MYO9B: variants seen among roughly 807,000 people sequenced by gnomAD.
The protein encoded by MYO9B is myosin IXB.
In MYO9B, 71 loss-of-function variants were observed where a neutral mutation model predicts 229.5. The ratio of observed to expected loss-of-function variants is 0.31; its 90% confidence interval spans 0.26 to 0.38. The LOEUF (loss-of-function observed/expected upper bound fraction) is 0.38. Ranked by LOEUF, MYO9B falls within the 10% of genes least tolerant of loss-of-function variation. The pLI, the probability that MYO9B is intolerant of heterozygous loss-of-function variation, is 1.00. For missense variants in MYO9B, 2,255 were observed against 2,920.5 expected (o/e 0.77, Z 5.25); for synonymous variants, 1,185 against 1,235.8 (o/e 0.96, Z 0.86).
At chr19:17,103,341 A>G (rs1200549479) in intron 2 of MYO9B, 1 of 152,318 alleles carries the variant, frequency 6.6e-6, no homozygotes, top group Non-Finnish European at 1.5e-5. Flanking sequence ...AGAGGATGCA[A>G]TGCCATGGAA....
At chr19:17,147,861 T>C (rs1261881506) in intron 3 of MYO9B, among the ~76,000 whole-genome samples, 2 of 151,528 alleles carry the variant, frequency 1.3e-5, no homozygotes, top group East Asian at 3.9e-4. Flanking sequence ...TTTGTATTTT[T>C]AGTAGAGATG....
intron 14 of MYO9B, chr19:17,180,615 G>T: frequency 5.2e-6 from 1 of 194,028 alleles, no homozygotes. Context: ...CTCTCAAAGT[G>T]CTGGGATTAC....
rs751248605 is a variant in MYO9B, at chr19:17,162,417, G to A, written c.1487G>A (p.Arg496Gln). The A allele has an allele frequency of 1.1e-5, 17 of 1,587,258 alleles. No homozygotes were observed. The highest frequency in any genetic ancestry group is 3.6e-5 in the Admixed American group (2 of 56,136). The change falls in exon 9 of 40, where the codon CGG becomes CAG. Residue 496 changes from arginine to glutamine, a missense_variant. Coordinates refer to ENST00000682292, the MANE Select transcript of MYO9B (RefSeq NM_004145.4). ...GCCCTGTTCGACTGGATTGTGCTGC[G>A]GATCAACCACGCACTCCTCAACAAG... Reference protein sequence around the residue: ...YSALFDWIVLRINHALLNKKD... With the variant: ...YSALFDWIVLQINHALLNKKD...
chr19:17,086,753 G>A (rs186600724), intron 1 of MYO9B, among the ~76,000 whole-genome samples: 10 of 152,220 alleles, frequency 6.6e-5, no homozygotes, highest in Middle Eastern at 3.4e-3. Context: ...GGTGGCACAC[G>A]CCTGTTGTCC....
At chr19:17,133,548 C>CTGCAG (rs2145183603) in intron 2 of MYO9B, among the ~76,000 whole-genome samples, 1 of 151,930 alleles carries the variant, frequency 6.6e-6, no homozygotes, top group African/African-American at 2.4e-5. Context: ...CCTCAACTTC[C>CTGCAG]TGGGCCTAAG....
In MYO9B at chr19:17,193,044, G is replaced by T; in HGVS notation, c.3110G>T (p.Gly1037Val). The T allele has an allele frequency of 2.7e-6, 4 of 1,465,760 alleles. No homozygotes were observed. The highest frequency in any genetic ancestry group is 3.6e-6 in the Non-Finnish European group (4 of 1,107,512). 90.8% of individuals were successfully genotyped at this position (1,465,760 alleles called of 1,614,324 possible). A position where few individuals can be genotyped will look rare whatever the true frequency, so the allele number is the denominator to read the frequency against. The change falls in exon 21 of 40, where the codon GGG (glycine) becomes GTG (valine). Residue 1037 changes from glycine to valine, a missense_variant. Transcript: ENST00000682292. This position sits in a 1 kb window ranked among gnomAD's most constrained non-coding sequence, Gnocchi z 4.3. ...SIIRLQSLCR[G>V]HLQRKSFSQM... ...ATCCGCCTGCAGAGCCTGTGTCGGGGGCACCTGCAGCGCAAGAGGTGAGCA... is the reference window on the plus strand; with the variant it reads ...ATCCGCCTGCAGAGCCTGTGTCGGGTGCACCTGCAGCGCAAGAGGTGAGCA...
Position 17,162,566 on chromosome 19 carries a change from A to G in MYO9B, c.1536+100A>G, listed in dbSNP as rs1043349656. 10 of 1,021,076 alleles carry G rather than the reference A, an allele frequency of 9.8e-6. No homozygotes were observed. In the African/African-American group the frequency reaches 1.4e-4, roughly 15 times the overall value. The allele number at this position is 1,021,076 out of a possible 1,614,324, so 63.3% of individuals were successfully genotyped here. A position where few individuals can be genotyped will look rare whatever the true frequency, so the allele number is the denominator to read the frequency against. On this transcript the variant is annotated intron_variant, in intron 9 of 39. Transcript: ENST00000682292. The stretch of plus-strand genomic sequence containing the variant: ...GACCTGGAACATCCGGAGCCGAGGC[A>G]TCTGCAATCAAGAGGCTGTTTCCCC...
intron 2 of MYO9B, among the ~76,000 whole-genome samples, chr19:17,114,430 CCA>C (rs1300053483): frequency 6.6e-6 from 1 of 152,028 alleles, no homozygotes; most frequent in Non-Finnish European, 1.5e-5. Flanking sequence ...CACTGCTCAC[CCA>C]CGATCAGGCA....
chr19:17,117,173 C>G (rs183093472), intron 2 of MYO9B, among the ~76,000 whole-genome samples: 147 of 152,268 alleles, frequency 9.7e-4, no homozygotes, highest in African/African-American at 3.4e-3. Context: ...ATCTGTCTAT[C>G]GGCGATGTCA....
chr19:17,092,108 G>A (rs2057643700), intron 1 of MYO9B, among the ~76,000 whole-genome samples: 1 of 152,216 alleles, frequency 6.6e-6, no homozygotes, highest in South Asian at 2.1e-4. Context: ...CCCCTCAGTG[G>A]GTGGCAGAGG....
At chr19:17,158,960 C>G (rs894147303) in intron 7 of MYO9B, among the ~76,000 whole-genome samples, 1 of 152,150 alleles carries the variant, frequency 6.6e-6, no homozygotes, top group Admixed American at 6.6e-5. Context: ...TTGGGAGGCC[C>G]AGGCAGGCAG....
At chr19:17,162,164 G>A (rs2072610377) in intron 8 of MYO9B, among the ~76,000 whole-genome samples, 186 bp from the exon 9 acceptor site, 1 of 152,084 alleles carries the variant, frequency 6.6e-6, no homozygotes, top group South Asian at 2.1e-4. Flanking sequence ...AATTAGCCAG[G>A]TATAGTGGCG....
chr19:17,199,698 TTC>T (rs1491071150), intron 24 of MYO9B, among the ~76,000 whole-genome samples: 1,070 of 73,496 alleles, frequency 0.015, 14 homozygotes, highest in African/African-American at 0.11. Flanking sequence ...TTCTTTTTTT[TTC>T]TTTTTTTTTT....
chr19:17,198,046 G>C, intron 23 of MYO9B, 138 bp from the exon 24 acceptor site: 2 of 1,392,672 alleles, frequency 1.4e-6, no homozygotes, highest in Non-Finnish European at 1.9e-6. Flanking sequence ...TGGGCAACTA[G>C]AGTGAGACTC....
chr19:17,180,324 A>AT (rs2072843079), intron 14 of MYO9B, among the ~76,000 whole-genome samples: 2 of 151,538 alleles, frequency 1.3e-5, no homozygotes, highest in Middle Eastern at 3.4e-3. Flanking sequence ...ATAAAGTGGA[A>AT]TGACCAGATG....
intron 20 of MYO9B, 112 bp from the exon 21 acceptor site, chr19:17,192,634 G>T: frequency 1.4e-6 from 1 of 694,700 alleles, no homozygotes; most frequent in Non-Finnish European, 2.1e-6. Context: ...AGCCCTGGTT[G>T]GTCAGCACAC....
intron 2 of MYO9B, among the ~76,000 whole-genome samples, chr19:17,122,536 A>C (rs2057975427): frequency 6.6e-6 from 1 of 152,158 alleles, no homozygotes; most frequent in African/African-American, 2.4e-5. Context: ...GGTGATCTGG[A>C]GAATCACTCC....
At position 17,183,890 on chromosome 19, in the gene MYO9B, G is replaced by A. The variant is rs367951153; in HGVS notation, c.2373+22G>A. The A allele has an allele frequency of 6.7e-5, 104 of 1,552,120 alleles. No homozygotes were observed. The East Asian group carries it at 8.4e-4, about 12-fold the overall frequency. ...AAAGGTAAAAAAAAAAACACACCCCGCGCGACACGTTCCAAGATATCTTGC... is the reference window on the plus strand; with the variant it reads ...AAAGGTAAAAAAAAAAACACACCCCACGCGACACGTTCCAAGATATCTTGC... On this transcript the variant is annotated intron_variant, in intron 16 of 39. Coordinates refer to ENST00000682292, the MANE Select transcript of MYO9B (RefSeq NM_004145.4).
intron 1 of MYO9B, among the ~76,000 whole-genome samples, chr19:17,092,639 C>G (rs2057648583): frequency 6.7e-6 from 1 of 149,358 alleles, no homozygotes; most frequent in Non-Finnish European, 1.5e-5. Context: ...GCACGAGAAT[C>G]TCTTGAACCC....
Sources: gnomAD v4.1 joint callset for allele counts (sites outside exome capture counted in the v4.1 genomes callset) on GRCh38, gnomAD v4.1.1 for gene constraint, Gnocchi (gnomAD v3.1) non-coding constraint, MANE v1.5 for transcripts, NCBI Gene and HGNC (gene_info 2026-07-23, HGNC 2026-07-21) for gene names.